Variants in POLN observed in about 807,000 individuals in gnomAD.
POLN encodes the protein DNA polymerase nu.
A neutral mutation model predicts 113.5 loss-of-function variants in POLN; 108 were observed. That is an observed-to-expected ratio of 0.95 (90% CI 0.81 to 1.12). The LOEUF is 1.12. Among genes scored for constraint, POLN ranks in the 50% most tolerant of loss-of-function variants. POLN has a pLI of 0.00. For synonymous variants in POLN, 386 were observed against 391.5 expected (o/e 0.99, Z 0.17); for missense variants, 1,097 against 1,077.1 (o/e 1.02, Z -0.26).
chr4:2,080,268 C>T, intron 23 of POLN: 4 of 987,554 alleles, frequency 4.1e-6, no homozygotes, highest in Non-Finnish European at 4.8e-6. Flanking sequence ...CTGCTTGTCC[C>T]CTGGCCACCC....
At chr4:2,231,478 A>C (rs1459160969) in intron 2 of POLN, 1 of 154,812 alleles carries the variant, frequency 6.5e-6, no homozygotes, top group African/African-American at 2.4e-5. Flanking sequence ...GTGCGCCTGT[A>C]GTCCCAGCTA....
intron 16 of POLN, among the ~76,000 whole-genome samples, chr4:2,141,289 G>A (rs1326310717): frequency 6.6e-6 from 1 of 152,254 alleles, no homozygotes; most frequent in Non-Finnish European, 1.5e-5. Flanking sequence ...TGTGGGGAAA[G>A]CACTTGGTCA....
intron 19 of POLN, 105 bp from the exon 20 acceptor site, chr4:2,096,038 C>A: frequency 1.0e-6 from 1 of 970,148 alleles, no homozygotes; most frequent in Non-Finnish European, 1.6e-6. Flanking sequence ...CTGGAAATTC[C>A]TTATGCTTTC....
At chr4:2,168,209 G>A (rs1349122023) in intron 13 of POLN, among the ~76,000 whole-genome samples, 2 of 152,188 alleles carry the variant, frequency 1.3e-5, no homozygotes, top group African/African-American at 4.8e-5. Flanking sequence ...AGCAGCAAAT[G>A]TGTGTGTGAC....
intron 16 of POLN, among the ~76,000 whole-genome samples, chr4:2,144,746 CTTCAATAACAT>C (rs1732092376): frequency 6.6e-6 from 1 of 152,098 alleles, no homozygotes; most frequent in Non-Finnish European, 1.5e-5. Context: ...TTACTCTTTC[CTTCAATAACAT>C]TTAGCGATTA....
At chr4:2,207,290 G>A (rs185041449) in intron 5 of POLN, among the ~76,000 whole-genome samples, 1 of 151,988 alleles carries the variant, frequency 6.6e-6, no homozygotes, top group East Asian at 1.9e-4. Context: ...ACTACAAATT[G>A]TGTGCAGTGT....
At chr4:2,221,620 A>G (rs920418140) in intron 3 of POLN, among the ~76,000 whole-genome samples, 14 of 152,164 alleles carry the variant, frequency 9.2e-5, no homozygotes, top group African/African-American at 3.4e-4. Context: ...CCTATCCTTC[A>G]GGCTGGAGTG....
intron 2 of POLN, among the ~76,000 whole-genome samples, chr4:2,235,193 A>G (rs1360741204): frequency 2.6e-5 from 4 of 152,212 alleles, no homozygotes; most frequent in Non-Finnish European, 5.9e-5. Context: ...CTATGTGGAG[A>G]AATTTTCAAA....
At chr4:2,156,657 A>C in intron 16 of POLN, 131 bp downstream of exon 16, 2 of 741,788 alleles carry the variant, frequency 2.7e-6, no homozygotes, top group South Asian at 3.0e-5. Context: ...AAACAGAATA[A>C]AACACAACAT....
At chr4:2,227,266 G>C (rs1734422083) in intron 3 of POLN, among the ~76,000 whole-genome samples, 1 of 152,206 alleles carries the variant, frequency 6.6e-6, no homozygotes, top group Admixed American at 6.5e-5. Context: ...CAGCCAGTGA[G>C]AAACTGAGAC....
At chr4:2,210,907 A>G (rs1039496104) in intron 4 of POLN, among the ~76,000 whole-genome samples, 1 of 139,620 alleles carries the variant, frequency 7.2e-6, no homozygotes, top group Admixed American at 7.3e-5. Flanking sequence ...GGTGACAGAG[A>G]CTCCATCTCA....
Position 2,213,257 on chromosome 4 carries a change from ATG to A in POLN, c.134-133_134-132del. The A allele has an allele frequency of 8.0e-6, 4 of 502,758 alleles. No homozygotes were observed. The South Asian group carries it at 1.7e-4, about 22-fold the overall frequency. The allele number at this position is 502,758 out of a possible 1,614,324, so 31.1% of individuals were successfully genotyped here. On this transcript the variant is annotated intron_variant, in intron 3 of 25. Transcript: ENST00000511885. Reference sequence around the variant, plus strand: ...ATTCATTATTAACTTACTTAAAACAATGTAATAAAATTCACAAGTAAAATGCT... The same window carrying A: ...ATTCATTATTAACTTACTTAAAACAATAATAAAATTCACAAGTAAAATGCT...
intron 21 of POLN, among the ~76,000 whole-genome samples, chr4:2,082,319 G>A (rs994197860): frequency 3.9e-5 from 6 of 152,144 alleles, no homozygotes; most frequent in African/African-American, 9.7e-5. Context: ...CACACAGGAC[G>A]AGGGAGGGCA....
At chr4:2,234,400 T>C (rs1256990898) in intron 2 of POLN, 1 of 152,532 alleles carries the variant, frequency 6.6e-6, no homozygotes, top group Non-Finnish European at 1.5e-5. Flanking sequence ...AAGGGGGTGA[T>C]GTCTCTGTGT....
chr4:2,096,912 C>A (rs887232957), intron 19 of POLN, among the ~76,000 whole-genome samples: 1 of 152,146 alleles, frequency 6.6e-6, no homozygotes, highest in Non-Finnish European at 1.5e-5. Context: ...CTTCTTAGAT[C>A]TTTTCTGAGC....
chr4:2,079,064 G>T, intron 23 of POLN: 1 of 330,232 alleles, frequency 3.0e-6, no homozygotes, highest in Non-Finnish European at 4.3e-6. Flanking sequence ...TGAGTAGCTG[G>T]GACTACAGGT....
chr4:2,179,158 A>C, intron 8 of POLN, 150 bp downstream of exon 8: 1 of 772,164 alleles, frequency 1.3e-6, no homozygotes. Context: ...CTCCACCAGA[A>C]ATGCCAAGGT....
At chr4:2,167,551 G>T (rs1732759167) in intron 13 of POLN, among the ~76,000 whole-genome samples, 1 of 152,176 alleles carries the variant, frequency 6.6e-6, no homozygotes, top group East Asian at 1.9e-4. Context: ...CCTGAGGTGA[G>T]TGTCAAAGAA....
chr4:2,075,561 T>C, intron 23 of POLN, 42 bp from the exon 24 acceptor site: 1 of 1,601,486 alleles, frequency 6.2e-7, no homozygotes, highest in Non-Finnish European at 8.5e-7. Flanking sequence ...GCCAGGACTG[T>C]GGGGCGTGGG....
Sources: gnomAD v4.1 joint callset for allele counts (sites outside exome capture counted in the v4.1 genomes callset) on GRCh38, gnomAD v4.1.1 for gene constraint, MANE v1.5 for transcripts, NCBI Gene and HGNC (gene_info 2026-07-23, HGNC 2026-07-21) for gene names.